Variants in BCAS3 observed in about 807,000 individuals in gnomAD.
BCAS3 encodes the protein BCAS4/BCAS3 fusion.
A neutral mutation model predicts 116.1 loss-of-function variants in BCAS3; 53 were observed. The observed-to-expected ratio is 0.46, with a 90% CI of 0.37 to 0.57. The LOEUF (loss-of-function observed/expected upper bound fraction) is 0.57. Among genes scored for constraint, BCAS3 ranks in the 20% least tolerant of loss-of-function variants. BCAS3 has a pLI of 0.00. For missense variants in BCAS3, 917 were observed against 1,165.4 expected, an observed-to-expected ratio of 0.79 and a Z score of 3.10; for synonymous variants, 391 against 408.2, an observed-to-expected ratio of 0.96 and a Z score of 0.51.
intron 9 of BCAS3, among the ~76,000 whole-genome samples, 196 bp downstream of exon 9, chr17:60,874,934 T>C (rs1370003503): frequency 1.3e-5 from 2 of 152,194 alleles, no homozygotes; most frequent in East Asian, 1.9e-4. Flanking sequence ...ACACATTTTC[T>C]TTATATTACT....
chr17:61,247,834 A>G (rs1326611605), intron 22 of BCAS3, among the ~76,000 whole-genome samples: 1 of 152,026 alleles, frequency 6.6e-6, no homozygotes, highest in East Asian at 1.9e-4. Flanking sequence ...CTTGGATCTC[A>G]CCAACCAGGC....
At chr17:61,169,263 C>G (rs1159165861) in intron 22 of BCAS3, among the ~76,000 whole-genome samples, 1 of 152,148 alleles carries the variant, frequency 6.6e-6, no homozygotes, top group African/African-American at 2.4e-5. Context: ...ATATATTCCA[C>G]TTGAAACAAA....
At chr17:60,924,869 C>A (rs1032250691) in intron 13 of BCAS3, among the ~76,000 whole-genome samples, 1 of 150,446 alleles carries the variant, frequency 6.6e-6, no homozygotes, top group African/African-American at 2.4e-5. Context: ...AACTAACTTA[C>A]AACACTTTGT....
chr17:60,714,168 A>G lies in BCAS3; in HGVS notation c.321+4843A>G, dbSNP rs763906663. Among the ~76,000 whole-genome samples, 22 of 152,190 alleles carry G rather than the reference A, an allele frequency of 1.4e-4. No homozygotes were observed. In the Middle Eastern group the frequency reaches 0.031, roughly 212 times the overall value. ...TTAAAAATAGAGATGAAATCTCACT[A>G]TGTCGCCCAGATTGGTCTTGAACTC... On this transcript the variant is annotated intron_variant, in intron 5 of 23. Transcript: ENST00000407086.
At position 60,868,027 on chromosome 17, in the gene BCAS3, G is replaced by GTT. The variant is rs750908710; in HGVS notation, c.477-536_477-535dup. Among the ~76,000 whole-genome samples, 46 of 140,032 alleles carry GTT rather than the reference G, an allele frequency of 3.3e-4. No individual in the cohort carries two copies. In the East Asian group the frequency reaches 5.3e-3, roughly 16 times the overall value. The allele number at this position is 140,032 out of a possible 152,430, so 91.9% of individuals were successfully genotyped here. ...TCATATAATTTTTCTTTTCTTTCATGTTTTTTTTTTTTTTGAGACGGATTC... is the reference window on the plus strand; with the variant it reads ...TCATATAATTTTTCTTTTCTTTCATGTTTTTTTTTTTTTTTTGAGACGGATTC... On this transcript the variant is annotated intron_variant, in intron 7 of 23. Coordinates refer to ENST00000407086, the MANE Select transcript of BCAS3 (RefSeq NM_017679.5).
chr17:61,055,051 T>C (rs565624081), intron 19 of BCAS3, among the ~76,000 whole-genome samples: 1 of 152,290 alleles, frequency 6.6e-6, no homozygotes, highest in East Asian at 1.9e-4. Context: ...CCTCAATGTG[T>C]GGTTTTATGA....
In BCAS3 at chr17:60,990,771, C is replaced by T. The variant is rs896956412; in HGVS notation, c.1486+536C>T. Among the ~76,000 whole-genome samples the T allele has an allele frequency of 1.3e-5, 2 of 152,000 alleles. No individual in the cohort carries two copies. The highest frequency in any genetic ancestry group is 6.6e-5 in the Admixed American group (1 of 15,252). On this transcript the variant is annotated intron_variant, in intron 15 of 23. Coordinates refer to ENST00000407086, the MANE Select transcript of BCAS3 (RefSeq NM_017679.5). This position sits in a 1 kb window ranked among gnomAD's most constrained non-coding sequence, Gnocchi z 5.1. ...AAGCAATTCTCCTGCCTCAGCCTCC[C>T]GAGCAGCTGGGATTACAGGCATCCG...
chr17:60,756,375 A>C (rs1000932153), intron 6 of BCAS3, among the ~76,000 whole-genome samples: 1 of 152,100 alleles, frequency 6.6e-6, no homozygotes, highest in African/African-American at 2.4e-5. Context: ...CCCCTGTTCT[A>C]ACTGTGTGTT....
rs1332541758 is a variant in BCAS3, at chr17:61,323,122, A to G, written c.2426-45205A>G. On this transcript the variant is annotated intron_variant, in intron 22 of 23. Transcript: ENST00000407086. The surrounding 1 kb of genome is among the most constrained non-coding windows in gnomAD (Gnocchi z 4.6). ...AGGAGAATGGTCACATGGATTTAGC[A>G]TCACACGGGGAATTCGCTGTAACCC... Among the ~76,000 whole-genome samples the G allele has an allele frequency of 6.6e-6, 1 of 152,170 alleles. No individual in the cohort carries two copies. Among genetic ancestry groups the G allele is most frequent in the African/African-American group, 2.4e-5 (1 of 41,442 alleles).
In BCAS3 at chr17:61,239,148, A is replaced by G. The variant is rs887774869; in HGVS notation, c.2426-129179A>G. The stretch of plus-strand genomic sequence containing the variant: ...AATCAGGTACTGATTTAGTGAGCTC[A>G]TTTTTGAAATGCAAAAGCAAAAAGG... On this transcript the variant is annotated intron_variant, in intron 22 of 23. Transcript: ENST00000407086. This position sits in a 1 kb window ranked among gnomAD's most constrained non-coding sequence, Gnocchi z 4.2. Among the ~76,000 whole-genome samples, 3 of 152,226 alleles carry G rather than the reference A, an allele frequency of 2.0e-5. No homozygotes were observed. Among genetic ancestry groups the G allele is most frequent in the Non-Finnish European group, 4.4e-5 (3 of 68,032 alleles).
intron 12 of BCAS3, 59 bp from the exon 13 acceptor site, chr17:60,924,348 C>G: frequency 6.8e-7 from 1 of 1,476,806 alleles, no homozygotes; most frequent in Non-Finnish European, 9.5e-7. Context: ...TTATAGGCTT[C>G]AAGCTCGGTT....
At position 61,256,065 on chromosome 17, in the gene BCAS3, A is replaced by G. The variant is rs2048755270; in HGVS notation, c.2426-112262A>G. 6.6e-6 allele frequency among the ~76,000 whole-genome samples: 1 copy of G among 152,180 alleles called. No individual in the cohort carries two copies. On this transcript the variant is annotated intron_variant, in intron 22 of 23. Coordinates refer to ENST00000407086, the MANE Select transcript of BCAS3 (RefSeq NM_017679.5). The surrounding 1 kb of genome is among the most constrained non-coding windows in gnomAD (Gnocchi z 5.6). ...CTGATTTTTTTTAACCTTTCAGTTA[A>G]TAAATGTTTTCCAGCCTCCATCAGC...
In BCAS3 at chr17:61,380,223, A is replaced by G; in HGVS notation, c.2593+11729A>G. 2 of 428,670 alleles carry G rather than the reference A, an allele frequency of 4.7e-6. No homozygotes were observed. Among genetic ancestry groups the G allele is most frequent in the Non-Finnish European group, 8.5e-6 (2 of 236,276 alleles). 26.6% of individuals were successfully genotyped at this position (428,670 alleles called of 1,614,324 possible). A position where few individuals can be genotyped will look rare whatever the true frequency, so the allele number is the denominator to read the frequency against. On this transcript the variant is annotated intron_variant, in intron 23 of 23. Transcript: ENST00000407086. This position sits in a 1 kb window ranked among gnomAD's most constrained non-coding sequence, Gnocchi z 4.2. ...CCCAGGATGCCGGCTTTCTCTCTAC[A>G]TCATTCCCTACCCCAGCCCTGTGCA... is the stretch of plus-strand genomic sequence containing the variant.
rs113689381 is a variant in BCAS3 at position 61,085,528 on chromosome 17, A to G, written c.2425+964A>G. ...GGATATGGATATATTTTTAAGTTTC[A>G]AAGCTAATGGGTTTTATACATATTC... On this transcript the variant is annotated intron_variant, in intron 22 of 23. Coordinates refer to ENST00000407086, the MANE Select transcript of BCAS3 (RefSeq NM_017679.5). Among the ~76,000 whole-genome samples the G allele has an allele frequency of 1.4e-3, 216 of 152,368 alleles. 1 individual carries two copies. Among genetic ancestry groups the G allele is most frequent in the African/African-American group, 4.4e-3 (185 of 41,592 alleles).
At chr17:60,952,721 C>A (rs891972357) in intron 14 of BCAS3, among the ~76,000 whole-genome samples, 2 of 152,084 alleles carry the variant, frequency 1.3e-5, no homozygotes, top group Non-Finnish European at 2.9e-5. Context: ...CATTCAGGTA[C>A]TAGGCCTAGT....
chr17:60,932,742 CAA>C (rs1167994825), intron 13 of BCAS3, among the ~76,000 whole-genome samples: 4,616 of 37,414 alleles, frequency 0.12, 87 homozygotes, highest in African/African-American at 0.29. Context: ...ACTCTTGTCT[CAA>C]AAAAAAAAAA....
rs1384201569 is a variant in BCAS3 at position 61,229,401 on chromosome 17, C to T, written c.2426-138926C>T. Among the ~76,000 whole-genome samples the T allele has an allele frequency of 6.6e-6, 1 of 152,158 alleles. No individual in the cohort carries two copies. The highest frequency in any genetic ancestry group is 1.5e-5 in the Non-Finnish European group (1 of 68,036). ...CCAGCCAGTTATCTAGAAGATCTAG[C>T]CAAGATCATTGATGAAGGTGGCTAT... is the stretch of plus-strand genomic sequence containing the variant. On this transcript the variant is annotated intron_variant, in intron 22 of 23. Transcript: ENST00000407086. The surrounding 1 kb of genome is among the most constrained non-coding windows in gnomAD (Gnocchi z 4.4).
chr17:61,081,728 T>C (rs1464473845), intron 21 of BCAS3, among the ~76,000 whole-genome samples: 1 of 152,172 alleles, frequency 6.6e-6, no homozygotes, highest in Non-Finnish European at 1.5e-5. Flanking sequence ...AGTACCACCA[T>C]TTCCCACCCG....
At chr17:60,881,606 A>G (rs1467107090) in intron 9 of BCAS3, among the ~76,000 whole-genome samples, 2 of 85,770 alleles carry the variant, frequency 2.3e-5, no homozygotes, top group Non-Finnish European at 4.4e-5. Flanking sequence ...CCACCCCACC[A>G]CAGTCCCCAG....
Sources: gnomAD v4.1 joint callset for allele counts (sites outside exome capture counted in the v4.1 genomes callset) on GRCh38, gnomAD v4.1.1 for gene constraint, Gnocchi (gnomAD v3.1) non-coding constraint, MANE v1.5 for transcripts, NCBI Gene and HGNC (gene_info 2026-07-23, HGNC 2026-07-21) for gene names.